ABLIM2: variants seen among roughly 807,000 people sequenced by gnomAD.
The protein encoded by ABLIM2 is actin-binding LIM protein 2.
Under a neutral mutation model 97.7 loss-of-function variants are expected in ABLIM2, and 53 were observed. The observed-to-expected ratio is 0.54, with a 90% CI of 0.44 to 0.68. The LOEUF (loss-of-function observed/expected upper bound fraction) is 0.68, where lower values mean the gene tolerates loss of function less well. ABLIM2 is among the 30% of genes least tolerant of loss of function. The pLI is 0.00. For synonymous variants in ABLIM2, 361 were observed against 345.8 expected, an observed-to-expected ratio of 1.04 and a Z score of -0.49; for missense variants, 835 against 867.2, an observed-to-expected ratio of 0.96 and a Z score of 0.47.
intron 10 of ABLIM2, among the ~76,000 whole-genome samples, chr4:8,035,114 G>T (rs1055506500): frequency 9.9e-5 from 15 of 151,628 alleles, no homozygotes; most frequent in Non-Finnish European, 1.3e-4. Context: ...GTTGGTAGGT[G>T]GGTGTGGGTC....
intron 17 of ABLIM2, among the ~76,000 whole-genome samples, chr4:7,987,832 G>A (rs920962864): frequency 6.6e-6 from 1 of 152,100 alleles, no homozygotes; most frequent in South Asian, 2.1e-4. Context: ...GGGTGTGCAA[G>A]GCCTCTAAGG....
intron 1 of ABLIM2, among the ~76,000 whole-genome samples, chr4:8,151,208 C>T (rs1306731427): frequency 6.6e-6 from 1 of 152,192 alleles, no homozygotes; most frequent in Non-Finnish European, 1.5e-5. Flanking sequence ...GGCACCCAGA[C>T]TGGCCCCCTC....
At chr4:8,035,143 T>TC (rs987475493) in intron 10 of ABLIM2, among the ~76,000 whole-genome samples, 1 of 151,140 alleles carries the variant, frequency 6.6e-6, no homozygotes, top group East Asian at 1.9e-4. Context: ...TTCCCTCAGC[T>TC]CCCCCCACTG....
chr4:8,105,136 G>C (rs868390182), intron 2 of ABLIM2, among the ~76,000 whole-genome samples: 1 of 152,158 alleles, frequency 6.6e-6, no homozygotes, highest in African/African-American at 2.4e-5. Flanking sequence ...GGCTGCTGGC[G>C]TCGGGAGGAT....
At chr4:8,107,746 T>C (rs1838187515) in intron 1 of ABLIM2, among the ~76,000 whole-genome samples, 1 of 152,200 alleles carries the variant, frequency 6.6e-6, no homozygotes, top group Non-Finnish European at 1.5e-5. Context: ...ATATGCTTTC[T>C]GACATGGCCA....
chr4:8,157,265 G>A (rs1029459091), intron 1 of ABLIM2, among the ~76,000 whole-genome samples: 2 of 152,154 alleles, frequency 1.3e-5, no homozygotes, highest in South Asian at 4.1e-4. Flanking sequence ...ATGACAGGGG[G>A]GACCACAGGT....
rs78692147 is a variant in ABLIM2, at chr4:8,036,879, G to A, written c.901-584C>T. Among the ~76,000 whole-genome samples the A allele has an allele frequency of 4.3e-3, 652 of 151,444 alleles. 2 individuals are homozygous for A. Among genetic ancestry groups the A allele is most frequent in the Middle Eastern group, 0.014 (4 of 288 alleles). ...CACTGCACACACAAACACACATATA[G>A]GCAAACACACACGCATCCCTTACTA... On this transcript the variant is annotated intron_variant, in intron 9 of 20. Transcript: ENST00000447017.
At chr4:8,136,824 G>A (rs575211502) in intron 1 of ABLIM2, among the ~76,000 whole-genome samples, 3 of 152,228 alleles carry the variant, frequency 2.0e-5, no homozygotes, top group East Asian at 1.9e-4. Flanking sequence ...AGCACACAGC[G>A]GGGCCTCCCC....
intron 14 of ABLIM2, among the ~76,000 whole-genome samples, chr4:8,012,310 C>T (rs533275387): frequency 6.0e-5 from 9 of 149,542 alleles, no homozygotes; most frequent in African/African-American, 2.2e-4. Flanking sequence ...CCATCCTTCA[C>T]CCATCCATCC....
chr4:8,098,299 T>C (rs567239030), intron 2 of ABLIM2, among the ~76,000 whole-genome samples: 1 of 152,368 alleles, frequency 6.6e-6, no homozygotes, highest in East Asian at 1.9e-4. Flanking sequence ...TGAGAAACCA[T>C]GTAGCCCTCA....
At chr4:8,090,720 T>A (rs200822122) in intron 3 of ABLIM2, among the ~76,000 whole-genome samples, 6,375 of 151,304 alleles carry the variant, frequency 0.042, 200 homozygotes, top group East Asian at 0.12. Flanking sequence ...TTTTTATTTT[T>A]ATTTTTTTGC....
chr4:8,004,497 T>G lies in ABLIM2; in HGVS notation c.1618+3562A>C, dbSNP rs1759731277. ...GTGCTGGGTCCTTTCTAGGGGCCAC[T>G]GAGTCCTCTGGGCAGTGCCTCAAGC... On this transcript the variant is annotated intron_variant, in intron 16 of 20. Transcript: ENST00000447017. This position sits in a 1 kb window ranked among gnomAD's most constrained non-coding sequence, Gnocchi z 5.9. Among the ~76,000 whole-genome samples, 1 of 152,200 alleles carries G rather than the reference T, an allele frequency of 6.6e-6. No homozygotes were observed. Among genetic ancestry groups the G allele is most frequent in the South Asian group, 2.1e-4 (1 of 4,832 alleles).
In ABLIM2 at chr4:7,966,831, G is replaced by C. The variant is rs566443161; in HGVS notation, c.*159C>G. The C allele has an allele frequency of 3.4e-6, 2 of 588,460 alleles. 1 individual carries two copies. The highest frequency in any genetic ancestry group is 6.0e-6 in the Non-Finnish European group (2 of 332,486). 36.5% of individuals were successfully genotyped at this position (588,460 alleles called of 1,614,324 possible). A position where few individuals can be genotyped will look rare whatever the true frequency, so the allele number is the denominator to read the frequency against. ...CTAAACTACCGGCAGGAGTGTCGCC[G>C]GCAGGTGCAGGGGCCGCACCTGCTG... On this transcript the variant is annotated 3_prime_UTR_variant, in exon 21 of 21. Transcript: ENST00000447017.
At chr4:8,006,258 C>T (rs939664666) in intron 16 of ABLIM2, among the ~76,000 whole-genome samples, 1 of 152,200 alleles carries the variant, frequency 6.6e-6, no homozygotes, top group South Asian at 2.1e-4. Flanking sequence ...GTCTCTAGTC[C>T]GGCTTCTCCC....
At chr4:8,114,407 G>A (rs2176435) in intron 1 of ABLIM2, among the ~76,000 whole-genome samples, 2 of 152,172 alleles carry the variant, frequency 1.3e-5, no homozygotes, top group Middle Eastern at 3.4e-3. Flanking sequence ...CTGTCTTTTC[G>A]GGGACTTACA....
At chr4:8,100,749 GA>G (rs57318831) in intron 2 of ABLIM2, among the ~76,000 whole-genome samples, 1,659 of 100,170 alleles carry the variant, frequency 0.017, 17 homozygotes, top group African/African-American at 0.055. Context: ...TCCATCTCAG[GA>G]AAAAAAAAAA....
rs1848515903 is a variant in ABLIM2 at position 8,127,448 on chromosome 4, A to AC, written c.11-20812_11-20811insG. The AC allele has an allele frequency of 4.0e-6, 5 of 1,260,552 alleles. No individual in the cohort carries two copies. Among genetic ancestry groups the AC allele is most frequent in the Admixed American group, 4.7e-5 (2 of 42,866 alleles). 78.1% of individuals were successfully genotyped at this position (1,260,552 alleles called of 1,614,324 possible). A position where few individuals can be genotyped will look rare whatever the true frequency, so the allele number is the denominator to read the frequency against. On this transcript the variant is annotated intron_variant, in intron 1 of 20. Coordinates refer to ENST00000447017, the MANE Select transcript of ABLIM2 (RefSeq NM_001130083.2). The surrounding 1 kb of genome is among the most constrained non-coding windows in gnomAD (Gnocchi z 7.3). ...CTTTCCCACCAGACCCCTGAAGCTG[A>AC]TTCATGGAGCTCACAGCTCCCAGTC...
In ABLIM2 at chr4:8,113,902, A is replaced by G. The variant is rs1196583717; in HGVS notation, c.11-7265T>C. Among the ~76,000 whole-genome samples the G allele has an allele frequency of 6.6e-6, 1 of 152,196 alleles. No individual in the cohort carries two copies. Among genetic ancestry groups the G allele is most frequent in the African/African-American group, 2.4e-5 (1 of 41,446 alleles). On this transcript the variant is annotated intron_variant, in intron 1 of 20. Transcript: ENST00000447017. This position sits in a 1 kb window ranked among gnomAD's most constrained non-coding sequence, Gnocchi z 4.5. ...ACCATGGCAACGAGCAGAGCAATAC[A>G]GAGAGGGGCACAGGGCTGTGTGCAG... is the stretch of plus-strand genomic sequence containing the variant.
In ABLIM2 at chr4:8,032,788, C is replaced by A. The variant is rs1261294493; in HGVS notation, c.1048-3012G>T. 4 of 1,125,276 alleles carry A rather than the reference C, an allele frequency of 3.6e-6. No individual in the cohort carries two copies. Among genetic ancestry groups the A allele is most frequent in the Non-Finnish European group, 5.3e-6 (4 of 747,828 alleles). The allele number at this position is 1,125,276 out of a possible 1,614,324, so 69.7% of individuals were successfully genotyped here. A position where few individuals can be genotyped will look rare whatever the true frequency, so the allele number is the denominator to read the frequency against. ...CACAGGCGCAAACACCCACACAGAG[C>A]CCTGATCCTCCAGACAGGAAAAGAA... On this transcript the variant is annotated intron_variant, in intron 10 of 20. Coordinates refer to ENST00000447017, the MANE Select transcript of ABLIM2 (RefSeq NM_001130083.2). This position sits in a 1 kb window ranked among gnomAD's most constrained non-coding sequence, Gnocchi z 4.3.
Sources: allele counts gnomAD v4.1 joint callset (sites outside exome capture counted in the v4.1 genomes callset), GRCh38; gene constraint gnomAD v4.1.1; non-coding constraint Gnocchi (gnomAD v3.1); transcripts MANE v1.5; gene names NCBI Gene and HGNC (gene_info 2026-07-23, HGNC 2026-07-21).